Variants in IL1RAPL1 observed in about 807,000 individuals in gnomAD.
IL1RAPL1 encodes the protein interleukin-1 receptor accessory protein-like 1.
IL1RAPL1 carries 3 observed loss-of-function variants against 48.4 expected under a neutral mutation model. That is an observed-to-expected ratio of 0.06 (90% CI 0.03 to 0.16). The LOEUF (loss-of-function observed/expected upper bound fraction) is 0.16. IL1RAPL1 is among the 10% of genes least tolerant of loss of function. The pLI is 1.00. For missense variants in IL1RAPL1, 349 were observed against 530.6 expected, an observed-to-expected ratio of 0.66 and a Z score of 3.36; for synonymous variants, 185 against 187.7, an observed-to-expected ratio of 0.99 and a Z score of 0.12.
At chrX:29,642,383 C>T (rs904914873) in intron 5 of IL1RAPL1, among the ~76,000 whole-genome samples, 2 of 112,239 alleles carry the variant, frequency 1.8e-5, no homozygotes, top group African/African-American at 6.5e-5. Flanking sequence ...AGAGGGACCA[C>T]GAAATTCAAT....
chrX:29,205,810 C>T (rs1403975621), intron 2 of IL1RAPL1, among the ~76,000 whole-genome samples: 1 of 110,011 alleles, frequency 9.1e-6, no homozygotes, highest in Non-Finnish European at 1.9e-5. Flanking sequence ...CGTCGGCTCA[C>T]TGCAACCTCT....
intron 8 of IL1RAPL1, among the ~76,000 whole-genome samples, chrX:29,926,548 T>C (rs1227028755): frequency 1.8e-5 from 2 of 112,361 alleles, no homozygotes; most frequent in Non-Finnish European, 3.8e-5. Context: ...TCTTACATGC[T>C]TCAAAGTACC....
chrX:29,741,537 T>A (rs1310039291), intron 6 of IL1RAPL1, among the ~76,000 whole-genome samples: 1 of 111,352 alleles, frequency 9.0e-6, no homozygotes, highest in Non-Finnish European at 1.9e-5. Flanking sequence ...GGCATATGAA[T>A]CTTACAAATG....
intron 2 of IL1RAPL1, among the ~76,000 whole-genome samples, chrX:29,007,913 T>C (rs1926021535): frequency 1.8e-5 from 2 of 112,259 alleles, no homozygotes; most frequent in Non-Finnish European, 3.8e-5. Flanking sequence ...TATTTAATCA[T>C]ACTTTATTTG....
intron 6 of IL1RAPL1, among the ~76,000 whole-genome samples, chrX:29,670,201 A>G: frequency 8.9e-6 from 1 of 111,910 alleles, no homozygotes. Context: ...TTTACAAAAT[A>G]GAATAATTGG....
intron 5 of IL1RAPL1, among the ~76,000 whole-genome samples, chrX:29,613,405 T>C (rs1178013606): frequency 9.0e-6 from 1 of 111,018 alleles, no homozygotes; most frequent in Non-Finnish European, 1.9e-5. Context: ...AGCCACTTGC[T>C]CTTCCTCCGA....
At chrX:28,690,969 G>A (rs1935171190) in intron 1 of IL1RAPL1, among the ~76,000 whole-genome samples, 1 of 111,283 alleles carries the variant, frequency 9.0e-6, no homozygotes. Flanking sequence ...TTGCAATAAC[G>A]TCTTAACCTT....
At chrX:29,857,939 T>G (rs764240082) in intron 6 of IL1RAPL1, among the ~76,000 whole-genome samples, 1 of 112,004 alleles carries the variant, frequency 8.9e-6, no homozygotes, top group African/African-American at 3.2e-5. Context: ...TGAGAATGTT[T>G]ATTTTCTTCT....
At chrX:29,343,040 C>T (rs1265923619) in intron 3 of IL1RAPL1, among the ~76,000 whole-genome samples, 1 of 111,794 alleles carries the variant, frequency 8.9e-6, no homozygotes, top group East Asian at 2.8e-4. Flanking sequence ...CTCATCAGTG[C>T]CTAGTGGAGA....
chrX:28,669,993 T>C (rs893146351), intron 1 of IL1RAPL1, among the ~76,000 whole-genome samples: 1 of 109,914 alleles, frequency 9.1e-6, no homozygotes, highest in Non-Finnish European at 1.9e-5. Flanking sequence ...TTTAAGTATA[T>C]CACCATGATA....
At chrX:29,244,978 A>T in intron 2 of IL1RAPL1, among the ~76,000 whole-genome samples, 1 of 86,649 alleles carries the variant, frequency 1.2e-5, no homozygotes, top group African/African-American at 4.6e-5. Context: ...CCCTGTGTCC[A>T]TGTGTTCTTA....
chrX:28,749,478 T>G (rs1410531336), intron 1 of IL1RAPL1, among the ~76,000 whole-genome samples: 1 of 111,795 alleles, frequency 8.9e-6, no homozygotes, highest in Non-Finnish European at 1.9e-5. Context: ...AGATGGTATG[T>G]CGTTGAGGTT....
chrX:29,510,457 G>C lies in IL1RAPL1; in HGVS notation c.703+111149G>C, dbSNP rs759143214. ...CATGAAGTTGAAATCATTTGTGCAA[G>C]CCTTGTTTCATAATTTCACTATTTT... is the stretch of plus-strand genomic sequence containing the variant. On this transcript the variant is annotated intron_variant, in intron 5 of 10. Coordinates refer to ENST00000378993, the MANE Select transcript of IL1RAPL1 (RefSeq NM_014271.4). Among the ~76,000 whole-genome samples, 240 of 112,405 alleles carry C rather than the reference G, an allele frequency of 2.1e-3. 1 individual carries two copies. The highest frequency in any genetic ancestry group is 6.8e-3 in the African/African-American group (210 of 30,995).
chrX:28,741,609 A>T (rs1382219986), intron 1 of IL1RAPL1, among the ~76,000 whole-genome samples: 1 of 111,891 alleles, frequency 8.9e-6, no homozygotes, highest in Non-Finnish European at 1.9e-5. Flanking sequence ...ATTTTCCAAG[A>T]GATTCCTTAT....
At chrX:28,867,421 T>A (rs1020991425) in intron 2 of IL1RAPL1, among the ~76,000 whole-genome samples, 2 of 111,950 alleles carry the variant, frequency 1.8e-5, no homozygotes, top group African/African-American at 6.5e-5. Context: ...GTTTGTTCTC[T>A]GATGACTTCA....
At position 29,230,011 on chromosome X, in the gene IL1RAPL1, C is replaced by G. The variant is rs143662378; in HGVS notation, c.83-52927C>G. ...TTGAATATAACATTGTATTGTTGCT[C>G]TAAGCCTTTTAGCCTTCGTGCTAAA... On this transcript the variant is annotated intron_variant, in intron 2 of 10. Coordinates refer to ENST00000378993, the MANE Select transcript of IL1RAPL1 (RefSeq NM_014271.4). Among the ~76,000 whole-genome samples the G allele has an allele frequency of 2.3e-4, 26 of 112,127 alleles. No individual in the cohort carries two copies. In the East Asian group the frequency reaches 5.1e-3, roughly 22 times the overall value.
At chrX:29,654,320 AT>A (rs1232804746) in intron 5 of IL1RAPL1, among the ~76,000 whole-genome samples, 1 of 111,531 alleles carries the variant, frequency 9.0e-6, no homozygotes, top group Admixed American at 9.6e-5. Flanking sequence ...CTGAAGTTGA[AT>A]ATATTAATAT....
At chrX:29,277,110 A>G (rs1325364184) in intron 2 of IL1RAPL1, among the ~76,000 whole-genome samples, 1 of 112,422 alleles carries the variant, frequency 8.9e-6, no homozygotes, top group Non-Finnish European at 1.9e-5. Context: ...GATGGACCAT[A>G]TGTACCAAGA....
chrX:29,100,050 A>G (rs1928301762), intron 2 of IL1RAPL1, among the ~76,000 whole-genome samples: 1 of 109,456 alleles, frequency 9.1e-6, no homozygotes, highest in South Asian at 4.0e-4. Flanking sequence ...CGTCTCTATT[A>G]AAAATACAAA....
Sources: gnomAD v4.1 joint callset for allele counts (sites outside exome capture counted in the v4.1 genomes callset) on GRCh38, gnomAD v4.1.1 for gene constraint, MANE v1.5 for transcripts, NCBI Gene and HGNC (gene_info 2026-07-23, HGNC 2026-07-21) for gene names.